Variants in CEP128 observed in about 807,000 individuals in gnomAD.
CEP128 encodes the protein centrosomal protein 128.
A neutral mutation model predicts 156.7 loss-of-function variants in CEP128; 132 were observed. That is an observed-to-expected ratio of 0.84 (90% CI 0.73 to 0.97). The LOEUF is 0.97. CEP128 is among the 50% of genes least tolerant of loss of function. The pLI is 0.00. For synonymous variants in CEP128, 469 were observed against 448.9 expected, an observed-to-expected ratio of 1.04 and a Z score of -0.57; for missense variants, 1,252 against 1,281.9, an observed-to-expected ratio of 0.98 and a Z score of 0.36.
chr14:80,927,038 T>G (rs1297887668), intron 2 of CEP128, among the ~76,000 whole-genome samples: 1 of 152,224 alleles, frequency 6.6e-6, no homozygotes, highest in Non-Finnish European at 1.5e-5. Context: ...AGTGGATCCC[T>G]TTTAGACATT....
chr14:80,623,382 C>G (rs1893572801), intron 19 of CEP128, among the ~76,000 whole-genome samples: 1 of 151,414 alleles, frequency 6.6e-6, no homozygotes. Context: ...ATGGGTGCAG[C>G]ACACCAGCAT....
At chr14:80,715,613 G>A (rs1897575022) in intron 19 of CEP128, among the ~76,000 whole-genome samples, 1 of 152,156 alleles carries the variant, frequency 6.6e-6, no homozygotes. Context: ...TCAAACAGAA[G>A]GAGCAAGTGC....
Position 80,726,208 on chromosome 14 carries a change from T to C in CEP128, c.2806+16867A>G, listed in dbSNP as rs1462469714. 2.2e-4 allele frequency among the ~76,000 whole-genome samples: 34 copies of C among 152,214 alleles called. 2 individuals are homozygous for C. The highest frequency in any genetic ancestry group is 2.2e-3 in the Admixed American group (34 of 15,280). Reference sequence around the variant, plus strand: ...TCAGGAGCTTATAACCTTGTATTAATAGGGAAAATTCCTAACAACAAAAAG... The same window carrying C: ...TCAGGAGCTTATAACCTTGTATTAACAGGGAAAATTCCTAACAACAAAAAG... On this transcript the variant is annotated intron_variant, in intron 19 of 24. Coordinates refer to ENST00000555265, the MANE Select transcript of CEP128 (RefSeq NM_152446.5).
At chr14:80,695,213 A>G (rs12436064) in intron 19 of CEP128, among the ~76,000 whole-genome samples, 57,209 of 152,012 alleles carry the variant, frequency 0.38, 12,735 homozygotes, top group Non-Finnish European at 0.5. Context: ...GAAAAGAAAA[A>G]AAAAAAACTT....
chr14:80,622,245 A>G (rs11624616), intron 19 of CEP128, among the ~76,000 whole-genome samples: 11,025 of 152,192 alleles, frequency 0.072, 465 homozygotes, highest in African/African-American at 0.099. Flanking sequence ...CATCTTCAAA[A>G]GTTTTATTTT....
At chr14:80,890,627 A>G (rs138811428) in intron 8 of CEP128, among the ~76,000 whole-genome samples, 37 of 152,024 alleles carry the variant, frequency 2.4e-4, no homozygotes, top group African/African-American at 7.5e-4. Flanking sequence ...GGCCTGTTGC[A>G]GGGTGAGGGG....
intron 19 of CEP128, among the ~76,000 whole-genome samples, chr14:80,698,769 C>G (rs1463632299): frequency 2.0e-5 from 3 of 151,842 alleles, no homozygotes; most frequent in African/African-American, 7.3e-5. Context: ...TTACCCAAAC[C>G]CCATTCTTAA....
At chr14:80,637,830 A>C (rs1812917644) in intron 19 of CEP128, among the ~76,000 whole-genome samples, 1 of 152,204 alleles carries the variant, frequency 6.6e-6, no homozygotes, top group Admixed American at 6.5e-5. Context: ...GAGAGAGATG[A>C]GACACAGAAA....
chr14:80,861,378 A>C (rs1887503927), intron 9 of CEP128, among the ~76,000 whole-genome samples: 2 of 152,212 alleles, frequency 1.3e-5, no homozygotes, highest in African/African-American at 4.8e-5. Context: ...TGTAACTTTA[A>C]CAGTGGATAA....
At chr14:80,809,378 G>GACC (rs1181254356) in intron 13 of CEP128, among the ~76,000 whole-genome samples, 1 of 151,960 alleles carries the variant, frequency 6.6e-6, no homozygotes, top group African/African-American at 2.4e-5. Context: ...ACCAAAAAGT[G>GACC]ACCAAATATA....
chr14:80,936,321 G>A lies in CEP128; in HGVS notation c.-16+3064C>T, dbSNP rs532388943. ...CACTTGAACCTGGGAGGTCGAGGCT[G>A]CAGTGATCCAAGATGACACCACTGC... On this transcript the variant is annotated intron_variant, in intron 2 of 24. Coordinates refer to ENST00000555265, the MANE Select transcript of CEP128 (RefSeq NM_152446.5). Among the ~76,000 whole-genome samples, 6 of 152,272 alleles carry A rather than the reference G, an allele frequency of 3.9e-5. No homozygotes were observed. In the South Asian group the frequency reaches 1.2e-3, roughly 32 times the overall value.
chr14:80,810,324 A>G (rs1433762049), intron 13 of CEP128, among the ~76,000 whole-genome samples: 1 of 86,642 alleles, frequency 1.2e-5, no homozygotes, highest in Non-Finnish European at 2.2e-5. Flanking sequence ...CTCCATCTCC[A>G]AAAAAAAAAA....
chr14:80,924,963 G>C (rs563837423), intron 2 of CEP128, among the ~76,000 whole-genome samples: 21 of 152,092 alleles, frequency 1.4e-4, no homozygotes, highest in African/African-American at 5.1e-4. Context: ...AACTCTGATG[G>C]CAAGGTAAAA....
chr14:80,888,145 C>T (rs907308433), intron 8 of CEP128, among the ~76,000 whole-genome samples: 2 of 152,080 alleles, frequency 1.3e-5, no homozygotes, highest in Non-Finnish European at 2.9e-5. Context: ...TAATAGCCTA[C>T]CAACCAAAAA....
At chr14:80,592,670 A>G (rs560321445) in intron 19 of CEP128, among the ~76,000 whole-genome samples, 18 of 152,332 alleles carry the variant, frequency 1.2e-4, no homozygotes, top group Non-Finnish European at 2.4e-4. Flanking sequence ...CCATCCTGAT[A>G]CGAAAACCAG....
At chr14:80,529,272 C>T (rs1889116028) in intron 22 of CEP128, among the ~76,000 whole-genome samples, 1 of 152,138 alleles carries the variant, frequency 6.6e-6, no homozygotes, top group East Asian at 1.9e-4. Flanking sequence ...CTAAACGTTT[C>T]AATTTCAGTA....
chr14:80,685,571 C>T lies in CEP128; in HGVS notation c.2806+57504G>A, dbSNP rs191604053. Reference sequence around the variant, plus strand: ...TTCCTCTATCAAGCTACCAGTGTCACTTGTTCACATAACTAAAAAAATTAA... The same window carrying T: ...TTCCTCTATCAAGCTACCAGTGTCATTTGTTCACATAACTAAAAAAATTAA... On this transcript the variant is annotated intron_variant, in intron 19 of 24. Transcript: ENST00000555265. Among the ~76,000 whole-genome samples the T allele has an allele frequency of 2.6e-5, 4 of 152,016 alleles. No homozygotes were observed. In the East Asian group the frequency reaches 7.7e-4, roughly 29 times the overall value.
intron 19 of CEP128, among the ~76,000 whole-genome samples, chr14:80,596,781 C>T (rs776423920): frequency 3.4e-4 from 37 of 109,626 alleles, no homozygotes; most frequent in Admixed American, 4.3e-4. Context: ...CTGGTTGGGC[C>T]ATTGCACTCT....
intron 9 of CEP128, among the ~76,000 whole-genome samples, chr14:80,856,663 G>A (rs1887176188): frequency 6.7e-6 from 1 of 149,654 alleles, no homozygotes; most frequent in Non-Finnish European, 1.5e-5. Context: ...GAGTGTGCCT[G>A]CGTGTGTGTG....
Sources: allele counts gnomAD v4.1 joint callset (sites outside exome capture counted in the v4.1 genomes callset), GRCh38; gene constraint gnomAD v4.1.1; transcripts MANE v1.5; gene names NCBI Gene and HGNC (gene_info 2026-07-23, HGNC 2026-07-21).